Variants in PKNOX2 observed in about 807,000 individuals in gnomAD.
PKNOX2 encodes homeobox protein PKNOX2.
A neutral mutation model predicts 53.1 loss-of-function variants in PKNOX2; 14 were observed. The ratio of observed to expected loss-of-function variants is 0.26; its 90% CI spans 0.17 to 0.41. The LOEUF is 0.41. PKNOX2 is among the 10% of genes least tolerant of loss of function. The pLI, the probability that PKNOX2 is intolerant of heterozygous loss-of-function variation, is 1.00. For missense variants in PKNOX2, 496 were observed against 602.8 expected (o/e 0.82, Z 1.85); for synonymous variants, 257 against 242.8 (o/e 1.06, Z -0.54).
chr11:125,310,268 G>T (rs544364944), intron 2 of PKNOX2, among the ~76,000 whole-genome samples: 45 of 152,066 alleles, frequency 3.0e-4, no homozygotes, highest in African/African-American at 1.0e-3. Flanking sequence ...AGGCTGAGGC[G>T]GGTGGATCAC....
At chr11:125,309,387 A>ATTTT in intron 2 of PKNOX2, among the ~76,000 whole-genome samples, 1 of 135,238 alleles carries the variant, frequency 7.4e-6, no homozygotes, top group Non-Finnish European at 1.6e-5. Context: ...AACAGTACCA[A>ATTTT]TTTTTTTTTT....
chr11:125,189,445 G>GTATATA (rs1956715874), intron 1 of PKNOX2, among the ~76,000 whole-genome samples: 11 of 50,582 alleles, frequency 2.2e-4, no homozygotes, highest in Non-Finnish European at 3.0e-4. Context: ...GTGTGTGTGT[G>GTATATA]TGTATATATA....
intron 8 of PKNOX2, 63 bp from the exon 9 acceptor site, chr11:125,410,716 C>A: frequency 7.8e-7 from 1 of 1,288,422 alleles, no homozygotes; most frequent in South Asian, 1.2e-5. Context: ...ACTGGGAACC[C>A]TGCTTGCCCT....
chr11:125,364,897 A>C (rs1033441476), intron 4 of PKNOX2, among the ~76,000 whole-genome samples: 1 of 151,978 alleles, frequency 6.6e-6, no homozygotes, highest in African/African-American at 2.4e-5. Flanking sequence ...TGAAGCTCCC[A>C]TCTTCTCCAC....
rs1047514979 is a variant in PKNOX2 at position 125,430,059 on chromosome 11, G to A, written c.1110G>A (p.Arg370=). 3.1e-6 allele frequency: 5 copies of A among 1,614,164 alleles called. No homozygotes were observed. The highest frequency in any genetic ancestry group is 4.2e-6 in the Non-Finnish European group (5 of 1,180,026). Residue 370 remains arginine (R), a synonymous_variant, in exon 12 of 13, where the codon CGG becomes CGA. Coordinates refer to ENST00000298282, the MANE Select transcript of PKNOX2 (RefSeq NM_001382323.2). ...PKAKKIKSQH[R]PTQRFWPNSI... Reference sequence around the variant, plus strand: ...CCAAGAAGATCAAGTCTCAGCACCGGCCCACCCAAAGATTCTGGCCCAACT... The same window carrying A: ...CCAAGAAGATCAAGTCTCAGCACCGACCCACCCAAAGATTCTGGCCCAACT...
intron 1 of PKNOX2, among the ~76,000 whole-genome samples, chr11:125,214,753 C>T (rs1389282555): frequency 1.3e-5 from 2 of 152,050 alleles, no homozygotes; most frequent in Non-Finnish European, 2.9e-5. Flanking sequence ...ACACAGAGCC[C>T]TTCCCTCTCC....
intron 10 of PKNOX2, among the ~76,000 whole-genome samples, chr11:125,425,628 T>C (rs1956374808): frequency 6.6e-6 from 1 of 152,122 alleles, no homozygotes; most frequent in Non-Finnish European, 1.5e-5. Flanking sequence ...GAGCAGCCAC[T>C]GTGCCTTGAT....
At position 125,189,310 on chromosome 11, in the gene PKNOX2, G is replaced by A. The variant is rs937580470; in HGVS notation, c.-201+24534G>A. ...CTTTCTGGGCTGCAGATGGCCCAGG[G>A]GATAGGAACAAGCCCACCAAGAGAT... On this transcript the variant is annotated intron_variant, in intron 1 of 12. Transcript: ENST00000298282. 2.1e-5 allele frequency among the ~76,000 whole-genome samples: 3 copies of A among 145,110 alleles called. No individual in the cohort carries two copies. The East Asian group carries it at 6.1e-4, about 30-fold the overall frequency.
chr11:125,265,603 C>A (rs1945263922), intron 2 of PKNOX2, among the ~76,000 whole-genome samples: 1 of 152,174 alleles, frequency 6.6e-6, no homozygotes, highest in African/African-American at 2.4e-5. Flanking sequence ...GGGTTTTCTC[C>A]ATCCCAGACC....
At chr11:125,203,304 C>T (rs775086727) in intron 1 of PKNOX2, among the ~76,000 whole-genome samples, 17 of 152,196 alleles carry the variant, frequency 1.1e-4, no homozygotes, top group African/African-American at 2.2e-4. Context: ...GACAAGGTCT[C>T]GCTATGTTGG....
intron 4 of PKNOX2, among the ~76,000 whole-genome samples, chr11:125,364,359 G>A (rs941857529): frequency 4.6e-5 from 7 of 152,174 alleles, no homozygotes; most frequent in African/African-American, 1.4e-4. Flanking sequence ...ACATACTTCT[G>A]CCAGTCACAG....
At chr11:125,178,713 A>G (rs879650806) in intron 1 of PKNOX2, among the ~76,000 whole-genome samples, 4,364 of 131,370 alleles carry the variant, frequency 0.033, 167 homozygotes, top group Middle Eastern at 0.043. Flanking sequence ...AAAGAAAGAA[A>G]GAAAGAGAAA....
chr11:125,371,853 G>A (rs533231636), intron 5 of PKNOX2, among the ~76,000 whole-genome samples: 5 of 152,304 alleles, frequency 3.3e-5, no homozygotes, highest in Admixed American at 6.5e-5. Flanking sequence ...TAAGAACCCA[G>A]AGAGTGGAGC....
At chr11:125,189,813 C>T (rs1956761728) in intron 1 of PKNOX2, among the ~76,000 whole-genome samples, 1 of 152,104 alleles carries the variant, frequency 6.6e-6, no homozygotes, top group South Asian at 2.1e-4. Flanking sequence ...GTCCCTCTTT[C>T]CCCTCCCTCT....
At chr11:125,172,762 C>T (rs543730912) in intron 1 of PKNOX2, among the ~76,000 whole-genome samples, 62 of 152,264 alleles carry the variant, frequency 4.1e-4, no homozygotes, top group African/African-American at 1.3e-3. Context: ...GCCACAAATC[C>T]GAGCAAAGAA....
intron 1 of PKNOX2, among the ~76,000 whole-genome samples, chr11:125,220,424 A>G (rs944480278): frequency 1.3e-5 from 2 of 152,206 alleles, no homozygotes; most frequent in African/African-American, 4.8e-5. Context: ...CAGAAGGGAT[A>G]GATTTGAGAA....
intron 1 of PKNOX2, among the ~76,000 whole-genome samples, chr11:125,170,204 C>T (rs1338334662): frequency 6.6e-6 from 1 of 152,204 alleles, no homozygotes; most frequent in Non-Finnish European, 1.5e-5. Context: ...GGCACTTACA[C>T]AAAACTGTGT....
intron 10 of PKNOX2, among the ~76,000 whole-genome samples, chr11:125,425,115 C>G (rs1270672380): frequency 1.3e-5 from 2 of 152,184 alleles, no homozygotes; most frequent in Admixed American, 6.5e-5. Flanking sequence ...GTCAATGGAG[C>G]ACACAGGCTT....
At position 125,309,130 on chromosome 11, in the gene PKNOX2, C is replaced by CCTTTCTTTCTTTCTTT. The variant is rs143615043; in HGVS notation, c.-129-22675_-129-22660dup. ...CAGCCTGAGATCACAATTACCTCTT[C>CCTTTCTTTCTTTCTTT]CTTTCTTTCTTTCTTTCTTTCTTTC... is the stretch of plus-strand genomic sequence containing the variant. On this transcript the variant is annotated intron_variant, in intron 2 of 12. Coordinates refer to ENST00000298282, the MANE Select transcript of PKNOX2 (RefSeq NM_001382323.2). Among the ~76,000 whole-genome samples the CCTTTCTTTCTTTCTTT allele has an allele frequency of 8.3e-4, 124 of 148,534 alleles. 2 individuals are homozygous for CCTTTCTTTCTTTCTTT. Among genetic ancestry groups the CCTTTCTTTCTTTCTTT allele is most frequent in the African/African-American group, 3.1e-3 (119 of 38,868 alleles).
Sources: allele counts gnomAD v4.1 joint callset (sites outside exome capture counted in the v4.1 genomes callset), GRCh38; gene constraint gnomAD v4.1.1; transcripts MANE v1.5; gene names NCBI Gene and HGNC (gene_info 2026-07-23, HGNC 2026-07-21).